The following CATSPERT variants were observed in gnomAD, a reference collection of about 807,000 sequenced individuals.
CATSPERT encodes catsper channel auxiliary subunit tau.
chr2:201,492,368 G>A, the CATSPERT span: 2 of 1,534,904 alleles, frequency 1.3e-6, no homozygotes, highest in Non-Finnish European at 1.7e-6. Flanking sequence ...AGACTCTGGA[G>A]GTGTTTGCTT....
chr2:201,571,862 A>G, the CATSPERT span: 2 of 1,347,530 alleles, frequency 1.5e-6, no homozygotes, highest in Non-Finnish European at 2.1e-6. Flanking sequence ...TAACTCCACC[A>G]AAATGCTCCA....
the CATSPERT span, chr2:201,604,651 A>G: frequency 6.2e-7 from 1 of 1,605,784 alleles, no homozygotes; most frequent in Non-Finnish European, 8.5e-7. Flanking sequence ...CTCCTGTGTT[A>G]TTTCCAGTTC....
chr2:201,572,097 G>T, the CATSPERT span: 1 of 1,045,124 alleles, frequency 9.6e-7, no homozygotes. Flanking sequence ...ATACCATATT[G>T]ATACCATAAT....
chr2:201,500,094 T>C, the CATSPERT span, among the ~76,000 whole-genome samples: 1 of 151,924 alleles, frequency 6.6e-6, no homozygotes, highest in African/African-American at 2.4e-5. Flanking sequence ...ATGTCCCCTA[T>C]CAAAAGAGCT....
chr2:201,534,809 A>G, the CATSPERT span: 1 of 885,632 alleles, frequency 1.1e-6, no homozygotes, highest in Non-Finnish European at 1.4e-6. Flanking sequence ...ATGTCCAACA[A>G]TATGAAAACT....
the CATSPERT span, among the ~76,000 whole-genome samples, chr2:201,613,873 T>C: frequency 2.4e-4 from 37 of 152,164 alleles, no homozygotes; most frequent in Non-Finnish European, 4.0e-4. Flanking sequence ...AATGACCTGA[T>C]GGAGCTGAAA....
At chr2:201,592,075 G>C in the CATSPERT span, among the ~76,000 whole-genome samples, 4 of 151,922 alleles carry the variant, frequency 2.6e-5, no homozygotes, top group African/African-American at 7.3e-5. Context: ...GTTTTCAAAG[G>C]GAATGCTTCC....
At chr2:201,567,679 G>A in the CATSPERT span, among the ~76,000 whole-genome samples, 3 of 152,240 alleles carry the variant, frequency 2.0e-5, no homozygotes, top group Admixed American at 6.5e-5. Context: ...ACCCCAGGGT[G>A]AGTCAATCTT....
At chr2:201,493,459 G>A in the CATSPERT span, 45 of 1,537,034 alleles carry the variant, frequency 2.9e-5, no homozygotes, top group Non-Finnish European at 3.3e-5. Context: ...AGTGATCCCC[G>A]TACCCAGCAA....
the CATSPERT span, among the ~76,000 whole-genome samples, chr2:201,533,148 G>A: frequency 5.3e-5 from 8 of 152,250 alleles, no homozygotes; most frequent in African/African-American, 1.7e-4. Flanking sequence ...ATCTTAATTT[G>A]ATACACAGGA....
chr2:201,596,980 T>A, the CATSPERT span, among the ~76,000 whole-genome samples: 2 of 152,210 alleles, frequency 1.3e-5, no homozygotes, highest in African/African-American at 4.8e-5. Flanking sequence ...ACTGCTTTTA[T>A]CCCTCCATAA....
At chr2:201,531,613 C>T in the CATSPERT span, among the ~76,000 whole-genome samples, 1 of 152,082 alleles carries the variant, frequency 6.6e-6, no homozygotes, top group African/African-American at 2.4e-5. Context: ...AACCCAGCCT[C>T]CACTAAGGAG....
chr2:201,535,810 T>A, the CATSPERT span: 5 of 1,434,332 alleles, frequency 3.5e-6, no homozygotes, highest in Non-Finnish European at 4.5e-6. Context: ...CCTAGTCTTA[T>A]ACTTCTAATA....
the CATSPERT span, among the ~76,000 whole-genome samples, chr2:201,505,874 G>A: frequency 6.6e-6 from 1 of 152,164 alleles, no homozygotes; most frequent in African/African-American, 2.4e-5. Context: ...AGTGGATGAG[G>A]GGTATATAGG....
the CATSPERT span, chr2:201,495,806 A>G: frequency 1.3e-6 from 1 of 799,374 alleles, no homozygotes; most frequent in Non-Finnish European, 1.9e-6. Context: ...GTTTCTAATG[A>G]GTAGCTTTTT....
the CATSPERT span, among the ~76,000 whole-genome samples, chr2:201,583,825 T>C: frequency 2.0e-5 from 3 of 152,186 alleles, no homozygotes; most frequent in Admixed American, 1.3e-4. Context: ...AATATTGGAA[T>C]TTTAAAGAGC....
the CATSPERT span, chr2:201,534,467 C>T: frequency 1.0e-6 from 1 of 983,436 alleles, no homozygotes; most frequent in Non-Finnish European, 1.2e-6. Flanking sequence ...AAACTACAAA[C>T]TATGTGCCCA....
the CATSPERT span, among the ~76,000 whole-genome samples, chr2:201,504,590 T>TTC: frequency 2.6e-5 from 4 of 151,824 alleles, no homozygotes; most frequent in Non-Finnish European, 5.9e-5. Context: ...TCACATGCTC[T>TTC]TCTCTCTCTC....
At chr2:201,580,155 AT>A in the CATSPERT span, among the ~76,000 whole-genome samples, 1 of 152,078 alleles carries the variant, frequency 6.6e-6, no homozygotes, top group South Asian at 2.1e-4. Flanking sequence ...CAGGTTAAAC[AT>A]TTTTGATGAC....
Sources: allele counts gnomAD v4.1 joint callset (sites outside exome capture counted in the v4.1 genomes callset), GRCh38; gene constraint gnomAD v4.1.1; transcripts MANE v1.5; gene names NCBI Gene and HGNC (gene_info 2026-07-23, HGNC 2026-07-21).